Variants in FHIT observed in about 807,000 individuals in gnomAD.
FHIT encodes fragile histidine triad diadenosine triphosphatase.
FHIT carries 19 observed loss-of-function variants against 17.9 expected under a neutral mutation model. The ratio of observed to expected loss-of-function variants is 1.06; its 90% CI spans 0.74 to 1.56. FHIT has a LOEUF of 1.56. Ranked by LOEUF, FHIT falls within the 40% of genes most tolerant of loss-of-function variation. The probability of loss-of-function intolerance (pLI) is 0.00; values close to 1 mark genes in which losing one functional copy is unlikely to be tolerated. For missense variants in FHIT, 248 were observed against 189.2 expected, an observed-to-expected ratio of 1.31 and a Z score of -1.82; for synonymous variants, 81 against 69.7, an observed-to-expected ratio of 1.16 and a Z score of -0.81.
intron 8 of FHIT, among the ~76,000 whole-genome samples, chr3:59,883,541 G>T (rs1278747083): frequency 2.6e-5 from 4 of 152,200 alleles, no homozygotes; most frequent in African/African-American, 9.7e-5. Context: ...CTGCCCCCAT[G>T]ATTCAATTAT....
chr3:60,385,072 G>A (rs114814585), intron 5 of FHIT, among the ~76,000 whole-genome samples: 1,874 of 152,136 alleles, frequency 0.012, 41 homozygotes, highest in African/African-American at 0.043. Flanking sequence ...ACAATTAAGA[G>A]GAAAAAAATG....
chr3:60,331,334 C>A (rs1709966658), intron 5 of FHIT, among the ~76,000 whole-genome samples: 1 of 152,140 alleles, frequency 6.6e-6, no homozygotes, highest in Admixed American at 6.5e-5. Context: ...CCCCACATGT[C>A]CCTAAGTGCC....
At chr3:61,096,518 AG>A (rs937137443) in intron 2 of FHIT, among the ~76,000 whole-genome samples, 27 of 152,084 alleles carry the variant, frequency 1.8e-4, no homozygotes, top group African/African-American at 6.3e-4. Context: ...GAGAACAGAG[AG>A]GTAGGGGATG....
chr3:60,527,787 C>A (rs1223486689), intron 5 of FHIT, among the ~76,000 whole-genome samples: 1 of 152,182 alleles, frequency 6.6e-6, no homozygotes, highest in African/African-American at 2.4e-5. Context: ...GGGAGAAGAA[C>A]TTCTCAGGAC....
At position 60,591,130 on chromosome 3, in the gene FHIT, C is replaced by CT. The variant is rs782794795; in HGVS notation, c.-17-54152dup. On this transcript the variant is annotated intron_variant, in intron 4 of 9. Coordinates refer to ENST00000492590, the MANE Select transcript of FHIT (RefSeq NM_002012.4). ...AGAACTTTCTGAAAAGCTAAGCCCA[C>CT]TGATAAGAATAAAGGAAAAGCATAG... is the stretch of plus-strand genomic sequence containing the variant. Among the ~76,000 whole-genome samples the CT allele has an allele frequency of 8.5e-5, 13 of 152,154 alleles. No homozygotes were observed. In the East Asian group the frequency reaches 2.3e-3, roughly 27 times the overall value.
chr3:61,118,722 T>C (rs2036371836), intron 2 of FHIT, among the ~76,000 whole-genome samples: 1 of 152,222 alleles, frequency 6.6e-6, no homozygotes, highest in Non-Finnish European at 1.5e-5. Flanking sequence ...GGGCTCATTG[T>C]ACCTACTGGA....
chr3:61,042,544 A>G (rs1322783524), intron 2 of FHIT, among the ~76,000 whole-genome samples: 1 of 152,180 alleles, frequency 6.6e-6, no homozygotes, highest in African/African-American at 2.4e-5. Context: ...TTTACACAAT[A>G]AAAATTTAAA....
rs182255498 is a variant in FHIT at position 60,338,169 on chromosome 3, A to C, written c.103+198691T>G. Among the ~76,000 whole-genome samples, 3 of 152,288 alleles carry C rather than the reference A, an allele frequency of 2.0e-5. No homozygotes were observed. In the East Asian group the frequency reaches 5.8e-4, roughly 29 times the overall value. On this transcript the variant is annotated intron_variant, in intron 5 of 9. Transcript: ENST00000492590. ...ACATATATTCTGCATCACTAAGATT[A>C]ATCAGAAGAAATTGCTCAAATTCCA...
intron 5 of FHIT, among the ~76,000 whole-genome samples, chr3:60,386,174 C>A (rs976518992): frequency 2.0e-5 from 3 of 152,152 alleles, no homozygotes; most frequent in Non-Finnish European, 4.4e-5. Context: ...ACGCTACTCA[C>A]TGGTCTCTTC....
chr3:60,665,245 T>C (rs1246055681), intron 4 of FHIT, among the ~76,000 whole-genome samples: 8 of 152,068 alleles, frequency 5.3e-5, no homozygotes, highest in African/African-American at 1.4e-4. Flanking sequence ...AAAAAGTATA[T>C]TCTGCTGTTG....
rs1358111844 is a variant in FHIT, at chr3:59,844,411, A to G, written c.348+77935T>C. The stretch of plus-strand genomic sequence containing the variant: ...ATCTTTCAGTCTTTCGTCACTGAAC[A>G]TGATGTTCAATGTGGGTTTTTTATA... On this transcript the variant is annotated intron_variant, in intron 8 of 9. Coordinates refer to ENST00000492590, the MANE Select transcript of FHIT (RefSeq NM_002012.4). 2.0e-5 allele frequency among the ~76,000 whole-genome samples: 3 copies of G among 152,084 alleles called. No homozygotes were observed. In the East Asian group the frequency reaches 5.8e-4, roughly 29 times the overall value.
At chr3:59,997,589 A>C (rs1216662979) in intron 7 of FHIT, among the ~76,000 whole-genome samples, 2 of 152,184 alleles carry the variant, frequency 1.3e-5, no homozygotes, top group African/African-American at 4.8e-5. Context: ...CTAAAATACA[A>C]AGAAACACAC....
intron 4 of FHIT, among the ~76,000 whole-genome samples, chr3:60,756,669 AAG>A (rs1699433399): frequency 6.6e-6 from 1 of 152,236 alleles, no homozygotes. Flanking sequence ...ACACAGAGGA[AAG>A]AGAAGATCTA....
intron 5 of FHIT, among the ~76,000 whole-genome samples, chr3:60,523,555 G>A (rs2035456590): frequency 6.6e-6 from 1 of 152,140 alleles, no homozygotes; most frequent in African/African-American, 2.4e-5. Context: ...TGCATGGGAA[G>A]CCAAGATGAT....
intron 5 of FHIT, among the ~76,000 whole-genome samples, chr3:60,347,631 C>T (rs1710848631): frequency 8.5e-6 from 1 of 117,506 alleles, no homozygotes; most frequent in Non-Finnish European, 1.6e-5. Flanking sequence ...CACTTGGAAG[C>T]AAAATTGAAA....
intron 8 of FHIT, among the ~76,000 whole-genome samples, chr3:59,817,086 C>T (rs937113813): frequency 7.2e-5 from 11 of 152,266 alleles, no homozygotes; most frequent in Admixed American, 4.6e-4. Context: ...CAGACCCCAG[C>T]GTCTTCGTAG....
At chr3:60,069,285 TGTGTATTAA>T (rs1702657099) in intron 5 of FHIT, among the ~76,000 whole-genome samples, 1 of 152,220 alleles carries the variant, frequency 6.6e-6, no homozygotes, top group Non-Finnish European at 1.5e-5. Flanking sequence ...GAAAAGTGTT[TGTGTATTAA>T]GTGTATTATA....
chr3:60,867,439 C>T (rs186330300), intron 3 of FHIT, among the ~76,000 whole-genome samples: 4 of 152,286 alleles, frequency 2.6e-5, no homozygotes, highest in Admixed American at 2.0e-4. Flanking sequence ...CAAGTGTTAA[C>T]AGATCTTCAA....
At chr3:60,458,275 C>A (rs1041761268) in intron 5 of FHIT, among the ~76,000 whole-genome samples, 13 of 152,206 alleles carry the variant, frequency 8.5e-5, no homozygotes, top group South Asian at 2.1e-4. Flanking sequence ...AGTTCATGTC[C>A]TTTGTAGGGA....
Sources: gnomAD v4.1 joint callset for allele counts (sites outside exome capture counted in the v4.1 genomes callset) on GRCh38, gnomAD v4.1.1 for gene constraint, MANE v1.5 for transcripts, NCBI Gene and HGNC (gene_info 2026-07-23, HGNC 2026-07-21) for gene names.